The following SULT1E1 variants were observed in gnomAD, a reference collection of about 807,000 sequenced individuals.
SULT1E1 encodes the protein sulfotransferase 1E1.
SULT1E1 carries 36 observed loss-of-function variants against 33.6 expected under a neutral mutation model. That is an observed-to-expected ratio of 1.07 (90% CI 0.82 to 1.41). The LOEUF is 1.41. Among genes scored for constraint, SULT1E1 ranks in the 40% most tolerant of loss-of-function variants. SULT1E1 has a pLI of 0.00. For missense variants in SULT1E1, 371 were observed against 345.7 expected (o/e 1.07, Z -0.58); for synonymous variants, 121 against 111.7 (o/e 1.08, Z -0.53).
intron 4 of SULT1E1, among the ~76,000 whole-genome samples, chr4:69,852,710 T>C (rs565666085): frequency 1.3e-5 from 2 of 152,302 alleles, no homozygotes; most frequent in South Asian, 2.1e-4. Flanking sequence ...GTTGTTGTTG[T>C]TTCTCTGTAA....
chr4:69,823,268 C>A, the SULT1E1 span, among the ~76,000 whole-genome samples: 2 of 152,182 alleles, frequency 1.3e-5, no homozygotes, highest in Non-Finnish European at 2.9e-5. Flanking sequence ...GTATAGCCCT[C>A]ACCATGCAGC....
In SULT1E1 at chr4:69,841,957, C is replaced by T. The variant is rs935365420; in HGVS notation, c.*37G>A. On this transcript the variant is annotated 3_prime_UTR_variant, in exon 8 of 8. Transcript: ENST00000226444. ...AAAGTGGAGAATAATGAAAAGAAAT[C>T]TTTAATATCAGATATGTTAAGTAAA... The T allele has an allele frequency of 1.8e-6, 2 of 1,117,362 alleles. No individual in the cohort carries two copies. Among genetic ancestry groups the T allele is most frequent in the Non-Finnish European group, 2.6e-6 (2 of 762,324 alleles). 69.2% of individuals were successfully genotyped at this position (1,117,362 alleles called of 1,614,324 possible). A position where few individuals can be genotyped will look rare whatever the true frequency, so the allele number is the denominator to read the frequency against.
the SULT1E1 span, among the ~76,000 whole-genome samples, chr4:69,825,903 C>A: frequency 1.3e-5 from 2 of 149,592 alleles, no homozygotes; most frequent in Admixed American, 1.3e-4. Flanking sequence ...GTTTCTGGTG[C>A]TTTTCTAGTT....
In SULT1E1 at chr4:69,844,314, T is replaced by C. The variant is rs760355185; in HGVS notation, c.619A>G (p.Ile207Val). 5.6e-6 allele frequency: 9 copies of C among 1,613,348 alleles called. No individual in the cohort carries two copies. The East Asian group carries it at 2.0e-4, about 36-fold the overall frequency. The change falls in exon 7 of 8, where the codon ATA becomes GTA. Residue 207 changes from isoleucine (I) to valine (V), a missense_variant. Transcript: ENST00000226444. ...GATGGCTTCCTTTCCAGGAAATGTATCAATTTTATCACCTCTTTTCTGATA... is the reference window on the plus strand; with the variant it reads ...GATGGCTTCCTTTCCAGGAAATGTACCAATTTTATCACCTCTTTTCTGATA... Reference protein sequence around the residue: ...EDIRKEVIKLIHFLERKPSEE... With the variant: ...EDIRKEVIKLVHFLERKPSEE...
the SULT1E1 span, among the ~76,000 whole-genome samples, chr4:69,826,590 G>A: frequency 3.3e-5 from 5 of 152,032 alleles, no homozygotes; most frequent in African/African-American, 4.8e-5. Context: ...GCACCAACAG[G>A]CTCACCCTTG....
At chr4:69,827,648 G>C in the SULT1E1 span, among the ~76,000 whole-genome samples, 1 of 152,126 alleles carries the variant, frequency 6.6e-6, no homozygotes, top group Non-Finnish European at 1.5e-5. Flanking sequence ...AGCTCCAAAA[G>C]CGAGCCCTGG....
intron 4 of SULT1E1, among the ~76,000 whole-genome samples, chr4:69,850,000 C>A (rs1436521464): frequency 6.6e-6 from 1 of 151,886 alleles, no homozygotes; most frequent in East Asian, 1.9e-4. Flanking sequence ...GGTCTTTATA[C>A]TACACCATCA....
At chr4:69,846,471 T>C (rs1220913750) in intron 6 of SULT1E1, among the ~76,000 whole-genome samples, 2 of 151,418 alleles carry the variant, frequency 1.3e-5, no homozygotes, top group African/African-American at 4.8e-5. Context: ...CATTATAATA[T>C]AATATCTAAT....
intron 6 of SULT1E1, among the ~76,000 whole-genome samples, chr4:69,847,144 C>A (rs1578103072): frequency 6.6e-6 from 1 of 151,596 alleles, no homozygotes; most frequent in South Asian, 2.1e-4. Flanking sequence ...GTAGCCATGT[C>A]TAATCTATTA....
intron 3 of SULT1E1, among the ~76,000 whole-genome samples, chr4:69,854,530 C>T (rs1356184532): frequency 6.6e-6 from 1 of 151,582 alleles, no homozygotes; most frequent in African/African-American, 2.4e-5. Flanking sequence ...ATCTCATGTG[C>T]CCCATTAATA....
At chr4:69,852,452 A>G (rs1007641846) in intron 4 of SULT1E1, among the ~76,000 whole-genome samples, 1 of 152,134 alleles carries the variant, frequency 6.6e-6, no homozygotes, top group Non-Finnish European at 1.5e-5. Flanking sequence ...ATCCTGAGCC[A>G]TAATCTTTTC....
downstream of SULT1E1, among the ~76,000 whole-genome samples, chr4:69,836,619 C>T (rs568413521): frequency 2.3e-4 from 35 of 152,166 alleles, no homozygotes; most frequent in Non-Finnish European, 4.3e-4. Context: ...ATCTTCCTTC[C>T]TGAGAGCACA....
At chr4:69,827,012 C>T in the SULT1E1 span, among the ~76,000 whole-genome samples, 397 of 151,326 alleles carry the variant, frequency 2.6e-3, 1 homozygote, top group African/African-American at 9.1e-3. Context: ...CCCCAGCTAT[C>T]GGTTATGTCG....
rs762363288 is a variant in SULT1E1 at position 69,855,395 on chromosome 4, C to G, written c.177G>C (p.Met59Ile). 1 of 1,612,454 alleles carries G rather than the reference C, an allele frequency of 6.2e-7. No homozygotes were observed. Among genetic ancestry groups the G allele is most frequent in the South Asian group, 1.1e-5 (1 of 90,944 alleles). ...GTTWVSEIVYMIYKEGDVEKC... is the reference protein window; with the variant it reads ...GTTWVSEIVYIIYKEGDVEKC... ...TTTCCACATCACCCTCTTTATAGATCATATACACAATTTCACTAACCCAGG... is the reference window on the plus strand; with the variant it reads ...TTTCCACATCACCCTCTTTATAGATGATATACACAATTTCACTAACCCAGG... The change falls in exon 3 of 8, where the codon ATG becomes ATC. Residue 59 changes from methionine (M) to isoleucine (I), a missense_variant. By Grantham distance (10) the Met-to-Ile change is conservative (BLOSUM62 1). Transcript: ENST00000226444.
chr4:69,847,528 C>T (rs146686164), intron 6 of SULT1E1, among the ~76,000 whole-genome samples, 170 bp downstream of exon 6: 3 of 151,728 alleles, frequency 2.0e-5, no homozygotes, highest in Admixed American at 6.6e-5. Flanking sequence ...TTTTTATTTG[C>T]TAGCTTCAAA....
At chr4:69,838,151 T>C (rs1720823698), downstream of SULT1E1, among the ~76,000 whole-genome samples, 2 of 152,196 alleles carry the variant, frequency 1.3e-5, no homozygotes, top group Non-Finnish European at 2.9e-5. Context: ...TTTAGCAATG[T>C]AGGTCCTCTG....
At chr4:69,840,803 T>G (rs1032972442), downstream of SULT1E1, among the ~76,000 whole-genome samples, 5 of 152,086 alleles carry the variant, frequency 3.3e-5, no homozygotes, top group Non-Finnish European at 5.9e-5. Context: ...TCCCAGCACT[T>G]TGGGAGGCTG....
chr4:69,857,302 C>T lies in SULT1E1; in HGVS notation c.145+198G>A, dbSNP rs1363094232. ...GTTTCTAACTGTGCTCAACAACATC[C>T]ATTTCTCAATGTACTATTCAAGTTA... On this transcript the variant is annotated intron_variant, in intron 2 of 7. Transcript: ENST00000226444. 5.9e-5 allele frequency among the ~76,000 whole-genome samples: 9 copies of T among 152,152 alleles called. No homozygotes were observed. In the East Asian group the frequency reaches 1.7e-3, roughly 29 times the overall value.
rs541103619 is a variant in SULT1E1 at position 69,852,937 on chromosome 4, C to A, written c.369+1280G>T. Among the ~76,000 whole-genome samples, 3 of 152,142 alleles carry A rather than the reference C, an allele frequency of 2.0e-5. No homozygotes were observed. The South Asian group carries it at 6.2e-4, about 31-fold the overall frequency. ...CTCTTAAAAAATAATAATGACACAT[C>A]TCCTGGAAAGTACATAACTGGTCTT... On this transcript the variant is annotated intron_variant, in intron 4 of 7. Coordinates refer to ENST00000226444, the MANE Select transcript of SULT1E1 (RefSeq NM_005420.3).
Sources: allele counts gnomAD v4.1 joint callset (sites outside exome capture counted in the v4.1 genomes callset), GRCh38; gene constraint gnomAD v4.1.1; transcripts MANE v1.5; gene names NCBI Gene and HGNC (gene_info 2026-07-23, HGNC 2026-07-21).